Variants in MYT1L observed in about 807,000 individuals in gnomAD.
MYT1L encodes the protein myelin transcription factor 1 like, also known as myelin transcription factor 1-like protein.
Under a neutral mutation model 126.7 loss-of-function variants are expected in MYT1L, and 12 were observed. That is an observed-to-expected ratio of 0.09 (90% CI 0.06 to 0.15). The LOEUF (loss-of-function observed/expected upper bound fraction) is 0.15. Among genes scored for constraint, MYT1L ranks in the 10% least tolerant of loss-of-function variants. MYT1L has a pLI of 1.00. For synonymous variants in MYT1L, 541 were observed against 604.2 expected, an observed-to-expected ratio of 0.90 and a Z score of 1.53; for missense variants, 979 against 1,585.2, an observed-to-expected ratio of 0.62 and a Z score of 6.49.
chr2:2,149,549 C>T (rs1054151459), intron 3 of MYT1L, among the ~76,000 whole-genome samples: 4 of 152,212 alleles, frequency 2.6e-5, no homozygotes, highest in Non-Finnish European at 5.9e-5. Context: ...TACCAAGTTT[C>T]TGTTCCCTTA....
intron 3 of MYT1L, among the ~76,000 whole-genome samples, chr2:2,141,652 G>C (rs765382866): frequency 2.6e-5 from 4 of 152,202 alleles, no homozygotes; most frequent in Admixed American, 6.5e-5. Flanking sequence ...AAGTCTGCGA[G>C]GGCCAATAAT....
At chr2:1,941,208 G>A (rs1573799705) in intron 9 of MYT1L, among the ~76,000 whole-genome samples, 3 of 152,236 alleles carry the variant, frequency 2.0e-5, no homozygotes, top group African/African-American at 7.2e-5. Flanking sequence ...AAAATGAAGA[G>A]CAAAACTTAA....
chr2:2,174,144 T>A (rs1385958946), intron 2 of MYT1L, among the ~76,000 whole-genome samples: 1 of 152,238 alleles, frequency 6.6e-6, no homozygotes, highest in Non-Finnish European at 1.5e-5. Context: ...AAAATTTGAA[T>A]GAGAGTTAGC....
At chr2:1,884,713 CAT>C (rs1181927650) in intron 18 of MYT1L, among the ~76,000 whole-genome samples, 13 of 152,224 alleles carry the variant, frequency 8.5e-5, no homozygotes, top group African/African-American at 1.9e-4. Context: ...GGTTTAGACA[CAT>C]GTGTGGCTTT....
At chr2:2,119,711 C>A (rs2080723300) in intron 3 of MYT1L, among the ~76,000 whole-genome samples, 1 of 152,104 alleles carries the variant, frequency 6.6e-6, no homozygotes, top group African/African-American at 2.4e-5. Flanking sequence ...CGCATTAATA[C>A]AAGACACAAT....
At chr2:2,041,640 C>T (rs1378978071) in intron 4 of MYT1L, among the ~76,000 whole-genome samples, 3 of 152,154 alleles carry the variant, frequency 2.0e-5, no homozygotes, top group South Asian at 2.1e-4. Context: ...CCCCCATGGC[C>T]GGCCCCAGGA....
chr2:2,091,869 T>A (rs1026405554), intron 3 of MYT1L, among the ~76,000 whole-genome samples: 7 of 152,202 alleles, frequency 4.6e-5, no homozygotes, highest in African/African-American at 9.6e-5. Flanking sequence ...CTTCAAACTT[T>A]TCTTCTGCAG....
Position 1,988,841 on chromosome 2 carries a change from G to A in MYT1L, c.-1+8350C>T, listed in dbSNP as rs533218931. Among the ~76,000 whole-genome samples the A allele has an allele frequency of 1.3e-4, 20 of 152,332 alleles. 1 individual carries two copies. In the South Asian group the frequency reaches 1.4e-3, roughly 11 times the overall value. ...ACTGCGCCTGGCTGGGTACATAGCC[G>A]ATGCTGAGGATATGCTTGGTGCTTT... is the stretch of plus-strand genomic sequence containing the variant. On this transcript the variant is annotated intron_variant, in intron 5 of 24. Coordinates refer to ENST00000647738, the MANE Select transcript of MYT1L (RefSeq NM_001303052.2).
chr2:2,213,422 G>T (rs915653949), intron 2 of MYT1L, among the ~76,000 whole-genome samples: 7 of 152,034 alleles, frequency 4.6e-5, no homozygotes, highest in Non-Finnish European at 8.8e-5. Context: ...GTGCACAGAG[G>T]GTCCCCCAAC....
chr2:2,154,684 G>T (rs958908245), intron 3 of MYT1L, among the ~76,000 whole-genome samples: 1 of 152,200 alleles, frequency 6.6e-6, no homozygotes, highest in African/African-American at 2.4e-5. Context: ...CTTGAGGGTA[G>T]AGAGTGATAG....
chr2:2,312,471 G>A (rs974198479), intron 1 of MYT1L, among the ~76,000 whole-genome samples: 6 of 152,038 alleles, frequency 3.9e-5, no homozygotes, highest in East Asian at 1.9e-4. Context: ...AAATTAGCCA[G>A]GTGGGGTGAC....
intron 21 of MYT1L, among the ~76,000 whole-genome samples, chr2:1,829,608 C>G (rs79650162): frequency 1.1e-5 from 1 of 89,214 alleles, no homozygotes; most frequent in African/African-American, 7.9e-5. Context: ...CACCTGTGAA[C>G]TGACCCTCCC....
chr2:2,129,905 CA>C (rs11417173), intron 3 of MYT1L, among the ~76,000 whole-genome samples: 1,750 of 118,578 alleles, frequency 0.015, 35 homozygotes, highest in African/African-American at 0.044. Context: ...GACTCCATCT[CA>C]AAAAAAAAAA....
intron 4 of MYT1L, among the ~76,000 whole-genome samples, chr2:2,033,879 G>A (rs2066700097): frequency 6.6e-6 from 1 of 152,184 alleles, no homozygotes; most frequent in South Asian, 2.1e-4. Flanking sequence ...GATGCCACAT[G>A]CTTTCCCACA....
intron 3 of MYT1L, among the ~76,000 whole-genome samples, chr2:2,079,025 G>C (rs912080668): frequency 1.3e-5 from 2 of 152,146 alleles, no homozygotes; most frequent in Admixed American, 6.6e-5. Context: ...AGGATGCAGT[G>C]AGAAGACAAA....
rs564607567 is a variant in MYT1L at position 1,801,792 on chromosome 2, T to G, written c.3180A>C (p.Glu1060Asp). ...TIKQRASNGI[E>D]NDEEIKQLDE... ...CTAACTGTTTGATTTCTTCATCATT[T>G]TCTATACCTGTAATAATGAATATTA... The change falls in exon 23 of 25, where the codon GAA becomes GAC. Residue 1060 changes from glutamate to aspartate, a missense_variant. Glu to Asp is a conservative substitution (Grantham distance 45). This residue lies in a region of MYT1L where 179 missense variants were observed against 398.6 expected (regional missense o/e 0.45). Coordinates refer to ENST00000647738, the MANE Select transcript of MYT1L (RefSeq NM_001303052.2). The surrounding 1 kb of genome is among the most constrained non-coding windows in gnomAD (Gnocchi z 4.2). 6.3e-7 allele frequency: 1 copy of G among 1,584,678 alleles called. No individual in the cohort carries two copies. The highest frequency in any genetic ancestry group is 2.2e-5 in the East Asian group (1 of 44,700).
chr2:2,252,975 A>T (rs58073580), intron 2 of MYT1L, among the ~76,000 whole-genome samples: 2,758 of 152,110 alleles, frequency 0.018, 65 homozygotes, highest in African/African-American at 0.057. Flanking sequence ...AATTTTTTTT[A>T]AAAAAATAAA....
chr2:1,903,301 G>A lies in MYT1L; in HGVS notation c.1818-7C>T, dbSNP rs2050589912. 5 of 1,607,258 alleles carry A rather than the reference G, an allele frequency of 3.1e-6. No individual in the cohort carries two copies. The highest frequency in any genetic ancestry group is 4.3e-6 in the Non-Finnish European group (5 of 1,176,070). ...CTTCACAAAGCACATTGGCCTGGAA[G>A]TAAACAAGAAAACAAACAACAGCTT... On this transcript the variant is annotated splice_polypyrimidine_tract_variant and splice_region_variant and intron_variant, in intron 13 of 24. Transcript: ENST00000647738.
At position 1,956,400 on chromosome 2, in the gene MYT1L, G is replaced by A. The variant is rs11903445; in HGVS notation, c.153-13066C>T. Among the ~76,000 whole-genome samples the A allele has an allele frequency of 1.9e-3, 110 of 58,060 alleles. 6 individuals carry two copies. Among genetic ancestry groups the A allele is most frequent in the African/African-American group, 9.6e-3 (84 of 8,736 alleles). 38.1% of individuals were successfully genotyped at this position (58,060 alleles called of 152,430 possible). On this transcript the variant is annotated intron_variant, in intron 8 of 24. Coordinates refer to ENST00000647738, the MANE Select transcript of MYT1L (RefSeq NM_001303052.2). The stretch of plus-strand genomic sequence containing the variant: ...TCTATATTTCCTATTCTTTCTATCT[G>A]TCTGTCTATCTATCTATCTATCTAT...
Sources: allele counts gnomAD v4.1 joint callset (sites outside exome capture counted in the v4.1 genomes callset), GRCh38; gene constraint gnomAD v4.1.1; regional missense constraint gnomAD v4.1.1; non-coding constraint Gnocchi (gnomAD v3.1); transcripts MANE v1.5; gene names NCBI Gene and HGNC (gene_info 2026-07-23, HGNC 2026-07-21).